The following NCAM2 variants were observed in gnomAD, a reference collection of about 807,000 sequenced individuals.
The protein encoded by NCAM2 is neural cell adhesion molecule 2, also known as N-CAM-2.
Under a neutral mutation model 98.1 loss-of-function variants are expected in NCAM2, and 30 were observed. The observed-to-expected ratio is 0.31, with a 90% CI of 0.23 to 0.41. The LOEUF is 0.41. Among genes scored for constraint, NCAM2 ranks in the 10% least tolerant of loss-of-function variants. The pLI is 1.00. For missense variants in NCAM2, 867 were observed against 1,005.8 expected (o/e 0.86, Z 1.87); for synonymous variants, 368 against 342.4 (o/e 1.07, Z -0.83).
chr21:21,121,323 G>A (rs1053137120), intron 1 of NCAM2, among the ~76,000 whole-genome samples: 3 of 152,102 alleles, frequency 2.0e-5, no homozygotes, highest in African/African-American at 7.2e-5. Flanking sequence ...TCTTCAAAAT[G>A]TATTTAATAA....
chr21:21,103,900 A>G (rs2146498705), intron 1 of NCAM2, among the ~76,000 whole-genome samples: 1 of 152,224 alleles, frequency 6.6e-6, no homozygotes, highest in South Asian at 2.1e-4. Context: ...GGAAAATGAA[A>G]CATGTTAGTA....
chr21:21,181,901 T>C (rs2146914132), intron 1 of NCAM2, among the ~76,000 whole-genome samples: 1 of 151,988 alleles, frequency 6.6e-6, no homozygotes, highest in South Asian at 2.1e-4. Context: ...TTTTGTTTAA[T>C]ATTGTTCACA....
intron 1 of NCAM2, among the ~76,000 whole-genome samples, chr21:21,121,825 C>T (rs1373252503): frequency 2.0e-5 from 3 of 152,168 alleles, no homozygotes; most frequent in Admixed American, 1.3e-4. Context: ...GCCTGTGTTA[C>T]GATTGGGTAT....
At chr21:21,390,669 T>C (rs2076361415) in intron 9 of NCAM2, among the ~76,000 whole-genome samples, 1 of 152,212 alleles carries the variant, frequency 6.6e-6, no homozygotes, top group African/African-American at 2.4e-5. Context: ...AAGAATTGAG[T>C]TTGTTATATA....
chr21:21,255,772 T>C (rs747664726), intron 1 of NCAM2, among the ~76,000 whole-genome samples: 14 of 152,148 alleles, frequency 9.2e-5, no homozygotes, highest in Non-Finnish European at 1.9e-4. Flanking sequence ...TGGTATAGGC[T>C]GAGATGTGCC....
At chr21:21,520,668 T>C (rs1278843451) in intron 16 of NCAM2, among the ~76,000 whole-genome samples, 2 of 152,086 alleles carry the variant, frequency 1.3e-5, no homozygotes, top group Non-Finnish European at 2.9e-5. Context: ...AATTCTTAGA[T>C]TCATAAGAAA....
intron 12 of NCAM2, among the ~76,000 whole-genome samples, chr21:21,447,072 AAAG>A (rs1443121520): frequency 1.3e-5 from 2 of 152,170 alleles, no homozygotes; most frequent in Non-Finnish European, 2.9e-5. Context: ...ATAGGGAATC[AAAG>A]AAGACCCTGT....
chr21:21,093,970 G>A (rs1310500152), intron 1 of NCAM2, among the ~76,000 whole-genome samples: 1 of 151,846 alleles, frequency 6.6e-6, no homozygotes, highest in Middle Eastern at 3.2e-3. Context: ...CTCTGAGTGG[G>A]TCAAATGCCT....
At chr21:21,271,286 G>A (rs1485411821) in intron 1 of NCAM2, among the ~76,000 whole-genome samples, 1 of 152,064 alleles carries the variant, frequency 6.6e-6, no homozygotes, top group Admixed American at 6.6e-5. Context: ...CCTGTGCTGG[G>A]TTTATAGACT....
At chr21:21,190,375 G>A (rs1185231076) in intron 1 of NCAM2, among the ~76,000 whole-genome samples, 1 of 152,134 alleles carries the variant, frequency 6.6e-6, no homozygotes, top group African/African-American at 2.4e-5. Flanking sequence ...TAGTTGCTTT[G>A]CCTCTCTTAT....
At chr21:21,074,393 A>T (rs1285823468) in intron 1 of NCAM2, among the ~76,000 whole-genome samples, 1 of 151,854 alleles carries the variant, frequency 6.6e-6, no homozygotes, top group South Asian at 2.1e-4. Context: ...TTTATTTTAC[A>T]TTTACTTATT....
At chr21:21,370,144 T>C (rs1165194357) in intron 8 of NCAM2, among the ~76,000 whole-genome samples, 1 of 151,808 alleles carries the variant, frequency 6.6e-6, no homozygotes, top group Admixed American at 6.6e-5. Context: ...CCTTCCGTTT[T>C]GGCATAAATA....
chr21:21,043,805 G>T (rs1460387116), intron 1 of NCAM2, among the ~76,000 whole-genome samples: 8 of 137,652 alleles, frequency 5.8e-5, no homozygotes, highest in African/African-American at 2.2e-4. Flanking sequence ...AGTGAGCCGA[G>T]TTCGTGCCAC....
chr21:21,360,957 C>T (rs1182793370), intron 8 of NCAM2, among the ~76,000 whole-genome samples: 2 of 151,966 alleles, frequency 1.3e-5, no homozygotes, highest in African/African-American at 4.8e-5. Flanking sequence ...ATTTACAAAA[C>T]TCCTCTATCA....
chr21:21,413,259 T>C (rs977384031), intron 10 of NCAM2, among the ~76,000 whole-genome samples: 2 of 152,154 alleles, frequency 1.3e-5, no homozygotes, highest in African/African-American at 4.8e-5. Context: ...TGCTTTGCAT[T>C]GTCTGTATCT....
chr21:21,255,300 A>G (rs2826756), intron 1 of NCAM2, among the ~76,000 whole-genome samples: 130,885 of 152,082 alleles, frequency 0.86, 57,766 homozygotes, highest in Non-Finnish European at 0.98. Context: ...TTTATTGAAG[A>G]GACTGAAATG....
Position 21,540,726 on chromosome 21 carries a change from C to A in NCAM2, c.*2769C>A, listed in dbSNP as rs978055714. On this transcript the variant is annotated 3_prime_UTR_variant, in exon 18 of 18. Coordinates refer to ENST00000400546, the MANE Select transcript of NCAM2 (RefSeq NM_004540.5). ...ATAAGTACTGTTAAAATAATTTGAACCCTATGATATTTTAAACCAAGAGGC... is the reference window on the plus strand; with the variant it reads ...ATAAGTACTGTTAAAATAATTTGAAACCTATGATATTTTAAACCAAGAGGC... 3 of 151,670 alleles carry A rather than the reference C, an allele frequency of 2.0e-5. No homozygotes were observed. The highest frequency in any genetic ancestry group is 4.4e-5 in the Non-Finnish European group (3 of 67,832). The allele number at this position is 151,670 out of a possible 1,614,324, so 9.4% of individuals were successfully genotyped here.
chr21:21,086,270 A>G (rs1276904022), intron 1 of NCAM2, among the ~76,000 whole-genome samples: 1 of 152,216 alleles, frequency 6.6e-6, no homozygotes, highest in East Asian at 1.9e-4. Context: ...ATAAAAGACA[A>G]TCTTGAAACA....
At chr21:21,278,830 TC>T (rs2072825543) in intron 1 of NCAM2, among the ~76,000 whole-genome samples, 1 of 152,228 alleles carries the variant, frequency 6.6e-6, no homozygotes, top group Non-Finnish European at 1.5e-5. Flanking sequence ...TGTTGCTTCC[TC>T]CTGTTCTTTA....
Sources: gnomAD v4.1 joint callset for allele counts (sites outside exome capture counted in the v4.1 genomes callset) on GRCh38, gnomAD v4.1.1 for gene constraint, MANE v1.5 for transcripts, NCBI Gene and HGNC (gene_info 2026-07-23, HGNC 2026-07-21) for gene names.